Variants in CRTC1 observed in about 807,000 individuals in gnomAD.
The protein encoded by CRTC1 is CREB-regulated transcription coactivator 1.
CRTC1 carries 18 observed loss-of-function variants against 66.1 expected under a neutral mutation model. The observed-to-expected ratio is 0.27, with a 90% confidence interval of 0.19 to 0.40. CRTC1 has a LOEUF of 0.40. Ranked by LOEUF, CRTC1 falls within the 10% of genes least tolerant of loss-of-function variation. The probability of loss-of-function intolerance (pLI) is 1.00; values close to 1 mark genes in which losing one functional copy is unlikely to be tolerated. For missense variants in CRTC1, 669 were observed against 887.9 expected, an observed-to-expected ratio of 0.75 and a Z score of 3.13; for synonymous variants, 416 against 398.8, an observed-to-expected ratio of 1.04 and a Z score of -0.51.
At position 18,771,616 on chromosome 19, in the gene CRTC1, T is replaced by C; in HGVS notation, c.1425+70T>C. On this transcript the variant is annotated intron_variant, in intron 11 of 13. Transcript: ENST00000321949. This position sits in a 1 kb window ranked among gnomAD's most constrained non-coding sequence, Gnocchi z 4.6. ...TCTTGTTCATGCCCCGTGTGTTCCCTGCCCACTGTCTGTCCTCATGCATCG... is the reference window on the plus strand; with the variant it reads ...TCTTGTTCATGCCCCGTGTGTTCCCCGCCCACTGTCTGTCCTCATGCATCG... 1 of 1,197,440 alleles carries C rather than the reference T, an allele frequency of 8.4e-7. No homozygotes were observed. The highest frequency in any genetic ancestry group is 1.2e-6 in the Non-Finnish European group (1 of 822,662). The allele number at this position is 1,197,440 out of a possible 1,614,324, so 74.2% of individuals were successfully genotyped here. A position where few individuals can be genotyped will look rare whatever the true frequency, so the allele number is the denominator to read the frequency against.
In CRTC1 at chr19:18,780,020, A is replaced by G. The variant is rs538768883; in HGVS notation, c.*2638A>G. The stretch of plus-strand genomic sequence containing the variant: ...TGGTTTTTTTAAATATCACTACTAC[A>G]TATTCTTGAATTGCCAAGACTTTCT... On this transcript the variant is annotated 3_prime_UTR_variant, in exon 14 of 14. Transcript: ENST00000321949. The G allele has an allele frequency of 2.6e-5, 6 of 229,812 alleles. No individual in the cohort carries two copies. Among genetic ancestry groups the G allele is most frequent in the Middle Eastern group, 1.3e-3 (1 of 774 alleles). 14.2% of individuals were successfully genotyped at this position (229,812 alleles called of 1,614,324 possible).
Position 18,724,793 on chromosome 19 carries a change from CTG to C in CRTC1, c.127-18115_127-18114del, listed in dbSNP as rs983544033. Among the ~76,000 whole-genome samples, 12 of 147,408 alleles carry C rather than the reference CTG, an allele frequency of 8.1e-5. 1 individual carries two copies. Among genetic ancestry groups the C allele is most frequent in the Admixed American group, 5.4e-4 (8 of 14,688 alleles). On this transcript the variant is annotated intron_variant, in intron 1 of 13. Coordinates refer to ENST00000321949, the MANE Select transcript of CRTC1 (RefSeq NM_015321.3). ...CTTCCCTTAATTATGTCTGAAAAGA[CTG>C]TTTTTTCAAATAAGGTCATACTCTC...
Position 18,771,734 on chromosome 19 carries a change from A to G in CRTC1, c.1425+188A>G, listed in dbSNP as rs2145853649. On this transcript the variant is annotated intron_variant, in intron 11 of 13. Transcript: ENST00000321949. The surrounding 1 kb of genome is among the most constrained non-coding windows in gnomAD (Gnocchi z 4.6). Reference sequence around the variant, plus strand: ...GGCTGCACCAGGGCAGGAACCCCACAGGGTCCTTCCCAGGAGCCGCCAGAG... The same window carrying G: ...GGCTGCACCAGGGCAGGAACCCCACGGGGTCCTTCCCAGGAGCCGCCAGAG... Among the ~76,000 whole-genome samples the G allele has an allele frequency of 6.6e-6, 1 of 152,294 alleles. No homozygotes were observed. Among genetic ancestry groups the G allele is most frequent in the Non-Finnish European group, 1.5e-5 (1 of 68,010 alleles).
chr19:18,702,960 T>G (rs568622255), intron 1 of CRTC1, among the ~76,000 whole-genome samples: 1 of 152,092 alleles, frequency 6.6e-6, no homozygotes, highest in Admixed American at 6.5e-5. Context: ...AGTTCTTTTT[T>G]TTTTGAGATG....
intron 1 of CRTC1, among the ~76,000 whole-genome samples, chr19:18,701,562 G>A (rs1347737984): frequency 6.6e-6 from 1 of 152,236 alleles, no homozygotes; most frequent in Non-Finnish European, 1.5e-5. Flanking sequence ...AGTTTCACCT[G>A]AGGGAGTATT....
At chr19:18,746,265 G>A (rs1325993553) in intron 3 of CRTC1, among the ~76,000 whole-genome samples, 1 of 152,158 alleles carries the variant, frequency 6.6e-6, no homozygotes, top group African/African-American at 2.4e-5. Flanking sequence ...TGGCAGGGCA[G>A]TGGGGCCAGG....
intron 1 of CRTC1, among the ~76,000 whole-genome samples, chr19:18,706,309 G>A (rs966632603): frequency 1.4e-5 from 2 of 139,848 alleles, no homozygotes; most frequent in East Asian, 2.2e-4. Flanking sequence ...GGTTCAAAGC[G>A]ATTCTCCTGC....
At chr19:18,692,903 G>T (rs2052880407) in intron 1 of CRTC1, among the ~76,000 whole-genome samples, 1 of 151,370 alleles carries the variant, frequency 6.6e-6, no homozygotes, top group South Asian at 2.1e-4. Flanking sequence ...GTGAAACCCT[G>T]TCTCTACTAA....
intron 2 of CRTC1, chr19:18,743,975 G>A (rs2054170732): frequency 1.2e-6 from 1 of 845,550 alleles, no homozygotes; most frequent in African/African-American, 1.7e-5. Context: ...GCCTGAGTGG[G>A]GCTGAGGGGC....
chr19:18,723,697 C>T (rs1351922983), intron 1 of CRTC1, among the ~76,000 whole-genome samples: 1 of 152,184 alleles, frequency 6.6e-6, no homozygotes, highest in Non-Finnish European at 1.5e-5. Flanking sequence ...GCCTGATTGC[C>T]ATTTGTCTGG....
At chr19:18,751,417 G>A (rs77991031) in intron 5 of CRTC1, among the ~76,000 whole-genome samples, 27,023 of 152,060 alleles carry the variant, frequency 0.18, 2,786 homozygotes, top group Non-Finnish European at 0.23. Flanking sequence ...CCAGCCACTC[G>A]GGAGGCTGAG....
rs2054866980 is a variant in CRTC1, at chr19:18,771,468, T to A, written c.1347T>A (p.Thr449=). 2 of 1,613,556 alleles carry A rather than the reference T, an allele frequency of 1.2e-6. No individual in the cohort carries two copies. Among genetic ancestry groups the A allele is most frequent in the Non-Finnish European group, 1.7e-6 (2 of 1,179,726 alleles). ...ASAPALQQYR[T]SAGSPANQSP... is the part of the protein sequence containing the mutation. Reference sequence around the variant, plus strand: ...CGCCGGCTCTGCAGCAGTACCGCACTAGCGCCGGCTCCCCGGCCAACCAGT... The same window carrying A: ...CGCCGGCTCTGCAGCAGTACCGCACAAGCGCCGGCTCCCCGGCCAACCAGT... The change falls in exon 11 of 14, where the codon ACT becomes ACA. Residue 449 remains threonine (T), a synonymous_variant. Transcript: ENST00000321949. This position sits in a 1 kb window ranked among gnomAD's most constrained non-coding sequence, Gnocchi z 4.6.
intron 1 of CRTC1, among the ~76,000 whole-genome samples, chr19:18,689,710 G>C (rs1257001991): frequency 1.3e-5 from 2 of 150,392 alleles, no homozygotes; most frequent in African/African-American, 4.9e-5. Context: ...ATTCCATGGT[G>C]TGGGTCTACC....
intron 1 of CRTC1, among the ~76,000 whole-genome samples, chr19:18,702,095 G>C (rs1235662133): frequency 6.6e-6 from 1 of 151,338 alleles, no homozygotes; most frequent in Non-Finnish European, 1.5e-5. Context: ...GGCTAATTTT[G>C]TATTGTTAAT....
chr19:18,731,501 T>G (rs919481948), intron 1 of CRTC1, among the ~76,000 whole-genome samples: 3 of 152,196 alleles, frequency 2.0e-5, no homozygotes, highest in Non-Finnish European at 4.4e-5. Flanking sequence ...CCGCACTAAT[T>G]ACATCTGCAG....
intron 1 of CRTC1, among the ~76,000 whole-genome samples, chr19:18,687,516 C>T (rs906436049): frequency 2.1e-4 from 32 of 152,154 alleles, no homozygotes; most frequent in African/African-American, 3.6e-4. Flanking sequence ...GCATGTCCGC[C>T]GTGCCTGGAG....
Position 18,777,417 on chromosome 19 carries a change from C to CG in CRTC1, c.*36dup. On this transcript the variant is annotated 3_prime_UTR_variant, in exon 14 of 14. Transcript: ENST00000321949. The surrounding 1 kb of genome is among the most constrained non-coding windows in gnomAD (Gnocchi z 5.5). ...CCGGCACCCTGCCGCTCAGCCGTCC[C>CG]GACGGCGCCTCCCCAGCCCGGGGAC... 1 of 1,575,418 alleles carries CG rather than the reference C, an allele frequency of 6.3e-7. No individual in the cohort carries two copies. The highest frequency in any genetic ancestry group is 8.6e-7 in the Non-Finnish European group (1 of 1,158,626).
rs867650578 is a variant in CRTC1 at position 18,781,063 on chromosome 19, A to G, written c.*3681A>G. On this transcript the variant is annotated 3_prime_UTR_variant, in exon 14 of 14. Transcript: ENST00000321949. ...CCTCGCCCTGAAAACAGCAGCTCCC[A>G]TCACCTTCACTGGGTCCCGATGGAG... 1 of 227,730 alleles carries G rather than the reference A, an allele frequency of 4.4e-6. No individual in the cohort carries two copies. The highest frequency in any genetic ancestry group is 2.2e-5 in the African/African-American group (1 of 44,920). The allele number at this position is 227,730 out of a possible 1,614,324, so 14.1% of individuals were successfully genotyped here.
chr19:18,735,276 C>T (rs2053972845), intron 1 of CRTC1, among the ~76,000 whole-genome samples: 1 of 152,182 alleles, frequency 6.6e-6, no homozygotes, highest in Non-Finnish European at 1.5e-5. Context: ...TCCCTGTCTC[C>T]CTTCTCACAC....
Sources: gnomAD v4.1 joint callset for allele counts (sites outside exome capture counted in the v4.1 genomes callset) on GRCh38, gnomAD v4.1.1 for gene constraint, Gnocchi (gnomAD v3.1) non-coding constraint, MANE v1.5 for transcripts, NCBI Gene and HGNC (gene_info 2026-07-23, HGNC 2026-07-21) for gene names.